SGCD: variants seen among roughly 807,000 people sequenced by gnomAD.
SGCD encodes the protein delta-sarcoglycan.
In SGCD, 18 loss-of-function variants were observed where a neutral mutation model predicts 36.6. The observed-to-expected ratio is 0.49, with a 90% CI of 0.34 to 0.73. The LOEUF (loss-of-function observed/expected upper bound fraction) is 0.73. Ranked by LOEUF, SGCD falls within the 30% of genes least tolerant of loss-of-function variation. SGCD has a pLI of 0.01. For missense variants in SGCD, 387 were observed against 346.7 expected, an observed-to-expected ratio of 1.12 and a Z score of -0.92; for synonymous variants, 133 against 130.6, an observed-to-expected ratio of 1.02 and a Z score of -0.12.
chr5:156,172,834 A>C (rs1381933175), intron 3 of SGCD, among the ~76,000 whole-genome samples: 2 of 148,240 alleles, frequency 1.3e-5, no homozygotes, highest in Non-Finnish European at 3.0e-5. Flanking sequence ...AATCTTTAGC[A>C]TGTATTCGTG....
chr5:156,171,036 A>C (rs1763332891), intron 3 of SGCD, among the ~76,000 whole-genome samples: 1 of 152,060 alleles, frequency 6.6e-6, no homozygotes, highest in South Asian at 2.1e-4. Context: ...TTAGGATCTG[A>C]TTTCTGTCGA....
chr5:155,940,767 C>A (rs1209395826), intron 1 of SGCD, among the ~76,000 whole-genome samples: 1 of 152,076 alleles, frequency 6.6e-6, no homozygotes, highest in African/African-American at 2.4e-5. Flanking sequence ...ATTGCTTGAA[C>A]TCAGAAGGCA....
intron 3 of SGCD, among the ~76,000 whole-genome samples, chr5:156,268,910 AATG>A (rs2127668603): frequency 6.6e-6 from 1 of 152,036 alleles, no homozygotes; most frequent in African/African-American, 2.4e-5. Context: ...GCATTTTTCT[AATG>A]ATCAGTGATG....
At chr5:155,748,095 C>G in the SGCD span, among the ~76,000 whole-genome samples, 1 of 151,830 alleles carries the variant, frequency 6.6e-6, no homozygotes, top group Non-Finnish European at 1.5e-5. Flanking sequence ...GGCTGCTGAC[C>G]TTTGTTTTTT....
intron 3 of SGCD, among the ~76,000 whole-genome samples, chr5:156,251,411 C>T (rs1765574083): frequency 6.6e-6 from 1 of 152,168 alleles, no homozygotes; most frequent in African/African-American, 2.4e-5. Flanking sequence ...TGGATCTTTC[C>T]AGACCCTTTC....
At chr5:155,977,989 G>A (rs1758152954) in intron 1 of SGCD, among the ~76,000 whole-genome samples, 1 of 152,110 alleles carries the variant, frequency 6.6e-6, no homozygotes, top group Admixed American at 6.5e-5. Flanking sequence ...AGCTACTCGG[G>A]ATCCTGAGGC....
At chr5:156,618,413 T>TA (rs984454384) in intron 6 of SGCD, among the ~76,000 whole-genome samples, 35 of 152,232 alleles carry the variant, frequency 2.3e-4, no homozygotes, top group South Asian at 1.0e-3. Flanking sequence ...ATCATAAACA[T>TA]ACAGTTCCCA....
chr5:156,591,697 A>G (rs1760727369), intron 5 of SGCD, among the ~76,000 whole-genome samples: 1 of 152,232 alleles, frequency 6.6e-6, no homozygotes, highest in African/African-American at 2.4e-5. Context: ...AGGGGGATTA[A>G]TTCAAGATTA....
intron 7 of SGCD, among the ~76,000 whole-genome samples, chr5:156,741,451 G>A (rs1756668890): frequency 1.3e-5 from 2 of 152,162 alleles, no homozygotes; most frequent in East Asian, 1.9e-4. Flanking sequence ...AGTTTCCCAT[G>A]TTTCACAGGT....
intron 3 of SGCD, among the ~76,000 whole-genome samples, chr5:156,493,034 G>A (rs1019532268): frequency 3.3e-5 from 5 of 152,130 alleles, no homozygotes; most frequent in Non-Finnish European, 5.9e-5. Context: ...ACATGTGCAC[G>A]TGTCTTTATA....
chr5:156,060,973 G>C lies in SGCD; in HGVS notation c.-281-56905G>C, dbSNP rs989967966. Among the ~76,000 whole-genome samples the C allele has an allele frequency of 9.0e-5, 13 of 144,138 alleles. No individual in the cohort carries two copies. The East Asian group carries it at 2.5e-3, about 28-fold the overall frequency. 94.6% of individuals were successfully genotyped at this position (144,138 alleles called of 152,430 possible). A position where few individuals can be genotyped will look rare whatever the true frequency, so the allele number is the denominator to read the frequency against. ...CCCAGTTCCTATCACCGTGGTCAGC[G>C]GAATCCCTCTGTCTTTTCTCTGTGT... On this transcript the variant is annotated intron_variant, in intron 1 of 9. Transcript: ENST00000517913.
chr5:156,089,544 G>A (rs2127593761), intron 1 of SGCD, among the ~76,000 whole-genome samples: 1 of 152,256 alleles, frequency 6.6e-6, no homozygotes, highest in Non-Finnish European at 1.5e-5. Context: ...CTCAAATTTA[G>A]CAAGATATGC....
chr5:155,849,279 A>C, the SGCD span, among the ~76,000 whole-genome samples: 1 of 152,108 alleles, frequency 6.6e-6, no homozygotes, highest in Non-Finnish European at 1.5e-5. Flanking sequence ...ATAACCTATA[A>C]CTATTTAAGT....
intron 2 of SGCD, among the ~76,000 whole-genome samples, chr5:156,121,233 G>C (rs892794542): frequency 6.6e-6 from 1 of 152,110 alleles, no homozygotes; most frequent in African/African-American, 2.4e-5. Flanking sequence ...GCCTGCAGCA[G>C]TAAAAACTTT....
chr5:156,581,470 G>A (rs1362750830), intron 4 of SGCD, among the ~76,000 whole-genome samples: 1 of 152,190 alleles, frequency 6.6e-6, no homozygotes, highest in Non-Finnish European at 1.5e-5. Context: ...AGACAGGGAC[G>A]TTTAAGTCTG....
intron 3 of SGCD, among the ~76,000 whole-genome samples, chr5:156,467,586 T>G (rs1481920003): frequency 5.3e-5 from 8 of 152,252 alleles, no homozygotes; most frequent in African/African-American, 1.9e-4. Flanking sequence ...TGATGACATA[T>G]GTAGCTATGT....
chr5:156,298,341 C>T (rs1045066108), intron 3 of SGCD, among the ~76,000 whole-genome samples: 2 of 152,086 alleles, frequency 1.3e-5, no homozygotes, highest in African/African-American at 2.4e-5. Flanking sequence ...AACATCCATA[C>T]TATTCTTCAG....
chr5:155,882,361 G>A (rs1251676973), intron 1 of SGCD, among the ~76,000 whole-genome samples: 2 of 152,120 alleles, frequency 1.3e-5, no homozygotes, highest in Non-Finnish European at 2.9e-5. Context: ...TTACAGACAT[G>A]AGCCACTGTT....
chr5:156,002,933 T>G (rs920367657), intron 1 of SGCD, among the ~76,000 whole-genome samples: 1 of 152,224 alleles, frequency 6.6e-6, no homozygotes, highest in East Asian at 1.9e-4. Flanking sequence ...CATATGCTCC[T>G]TTTAGGTTTT....
Sources: gnomAD v4.1 joint callset for allele counts (sites outside exome capture counted in the v4.1 genomes callset) on GRCh38, gnomAD v4.1.1 for gene constraint, MANE v1.5 for transcripts, NCBI Gene and HGNC (gene_info 2026-07-23, HGNC 2026-07-21) for gene names.